The following PIAS1 variants were observed in gnomAD, a reference collection of about 807,000 sequenced individuals.
The protein encoded by PIAS1 is protein inhibitor of activated STAT 1.
A neutral mutation model predicts 71.3 loss-of-function variants in PIAS1; 6 were observed. The ratio of observed to expected loss-of-function variants is 0.08; its 90% CI spans 0.05 to 0.17. PIAS1 has a LOEUF of 0.17. Among genes scored for constraint, PIAS1 ranks in the 10% least tolerant of loss-of-function variants. PIAS1 has a pLI of 1.00. For missense variants in PIAS1, 555 were observed against 793.6 expected, an observed-to-expected ratio of 0.70 and a Z score of 3.61; for synonymous variants, 303 against 292.9, an observed-to-expected ratio of 1.03 and a Z score of -0.35.
At chr15:68,139,884 T>C (rs1297684103) in intron 2 of PIAS1, among the ~76,000 whole-genome samples, 1 of 152,188 alleles carries the variant, frequency 6.6e-6, no homozygotes, top group Non-Finnish European at 1.5e-5. Context: ...CATTTCAGTA[T>C]GAAGATTCTG....
intron 7 of PIAS1, among the ~76,000 whole-genome samples, chr15:68,161,250 A>G (rs987385630): frequency 1.3e-5 from 2 of 152,246 alleles, no homozygotes; most frequent in East Asian, 3.8e-4. Context: ...AACTATGTGC[A>G]AGATTTGTAT....
intron 2 of PIAS1, among the ~76,000 whole-genome samples, chr15:68,115,351 T>C (rs2092556997): frequency 6.6e-6 from 1 of 152,126 alleles, no homozygotes; most frequent in African/African-American, 2.4e-5. Context: ...AATGGTATTT[T>C]TTTTATTTCA....
Position 68,192,252 on chromosome 15 carries a change from C to G in PIAS1, c.*4417C>G, listed in dbSNP as rs1220384755. On this transcript the variant is annotated 3_prime_UTR_variant, in exon 14 of 14. Transcript: ENST00000249636. ...GCTTTGCCTGAAAGTGACAGCAGTT[C>G]TCTCGGCGGGGCCAGCATCTAACCG... 2.6e-5 allele frequency: 4 copies of G among 152,166 alleles called. No individual in the cohort carries two copies. The highest frequency in any genetic ancestry group is 9.7e-5 in the African/African-American group (4 of 41,420). The allele number at this position is 152,166 out of a possible 1,614,324, so 9.4% of individuals were successfully genotyped here.
At chr15:68,168,680 T>A (rs1022875716) in intron 8 of PIAS1, among the ~76,000 whole-genome samples, 20 of 152,268 alleles carry the variant, frequency 1.3e-4, no homozygotes, top group East Asian at 5.8e-4. Flanking sequence ...GTGATTTTTT[T>A]AAAAAAAATC....
Position 68,143,187 on chromosome 15 carries a change from G to A in PIAS1, c.602+850G>A, listed in dbSNP as rs375924530. Reference sequence around the variant, plus strand: ...GGGATGGAAGAGAAAATATAAGACAGTTGTTTTCCTCAGTAAGCTGTTTTC... The same window carrying A: ...GGGATGGAAGAGAAAATATAAGACAATTGTTTTCCTCAGTAAGCTGTTTTC... On this transcript the variant is annotated intron_variant, in intron 4 of 13. Coordinates refer to ENST00000249636, the MANE Select transcript of PIAS1 (RefSeq NM_016166.3). Among the ~76,000 whole-genome samples, 5 of 152,058 alleles carry A rather than the reference G, an allele frequency of 3.3e-5. No homozygotes were observed. In the East Asian group the frequency reaches 5.8e-4, roughly 18 times the overall value.
rs934147692 is a variant in PIAS1 at position 68,189,667 on chromosome 15, CAA to C, written c.*1833_*1834del. 5 of 151,824 alleles carry C rather than the reference CAA, an allele frequency of 3.3e-5. No homozygotes were observed. Among genetic ancestry groups the C allele is most frequent in the African/African-American group, 9.7e-5 (4 of 41,412 alleles). The allele number at this position is 151,824 out of a possible 1,614,324, so 9.4% of individuals were successfully genotyped here. ...GTGTGTGTATATATGTATTTATAAA[CAA>C]GTGTGTTTGAGTAACAAGTGAGTTT... On this transcript the variant is annotated 3_prime_UTR_variant, in exon 14 of 14. Transcript: ENST00000249636.
intron 7 of PIAS1, among the ~76,000 whole-genome samples, chr15:68,157,368 C>T (rs967834234): frequency 6.6e-6 from 1 of 152,154 alleles, no homozygotes; most frequent in African/African-American, 2.4e-5. Context: ...GGAAAACAAG[C>T]TCCTCTATGG....
In PIAS1 at chr15:68,114,029, T is replaced by TACACACAC. The variant is rs58536041; in HGVS notation, c.469+27304_469+27311dup. ...CTAGCAAACGACTGCATATATTTCA[T>TACACACAC]ACACACACACACACACACACACACA... On this transcript the variant is annotated intron_variant, in intron 2 of 13. Transcript: ENST00000249636. Among the ~76,000 whole-genome samples the TACACACAC allele has an allele frequency of 2.6e-3, 328 of 125,310 alleles. 1 individual carries two copies. The highest frequency in any genetic ancestry group is 8.1e-3 in the African/African-American group (293 of 36,284). The allele number at this position is 125,310 out of a possible 152,430, so 82.2% of individuals were successfully genotyped here. A position where few individuals can be genotyped will look rare whatever the true frequency, so the allele number is the denominator to read the frequency against.
rs77767482 is a variant in PIAS1 at position 68,163,405 on chromosome 15, A to T, written c.935-1326A>T. ...ATATATTAAGACTTTGAAAATTTGGAATTTCCAGGCCATGAAATGACTTTT... is the reference window on the plus strand; with the variant it reads ...ATATATTAAGACTTTGAAAATTTGGTATTTCCAGGCCATGAAATGACTTTT... On this transcript the variant is annotated intron_variant, in intron 7 of 13. Transcript: ENST00000249636. Among the ~76,000 whole-genome samples the T allele has an allele frequency of 6.0e-3, 911 of 152,270 alleles. 10 individuals carry two copies. Among genetic ancestry groups the T allele is most frequent in the African/African-American group, 0.021 (866 of 41,536 alleles).
chr15:68,074,304 A>T (rs1326387850), intron 1 of PIAS1, among the ~76,000 whole-genome samples: 1 of 152,108 alleles, frequency 6.6e-6, no homozygotes, highest in Non-Finnish European at 1.5e-5. Flanking sequence ...GTTTATCTCT[A>T]CTTTTTTTTC....
intron 2 of PIAS1, among the ~76,000 whole-genome samples, chr15:68,127,104 T>C (rs991454897): frequency 7.2e-5 from 11 of 151,880 alleles, no homozygotes; most frequent in Admixed American, 7.2e-4. Context: ...TTTTGTATGT[T>C]TAGTAGGGAT....
intron 11 of PIAS1, among the ~76,000 whole-genome samples, chr15:68,177,383 T>C (rs1179937098): frequency 6.6e-6 from 1 of 151,722 alleles, no homozygotes; most frequent in African/African-American, 2.4e-5. Context: ...CAAACTGGAA[T>C]GTATGCTGTA....
chr15:68,067,072 C>T (rs180965203), intron 1 of PIAS1, among the ~76,000 whole-genome samples: 1 of 151,890 alleles, frequency 6.6e-6, no homozygotes, highest in Admixed American at 6.5e-5. Flanking sequence ...TTAATCTCCA[C>T]TTTTAGATTT....
chr15:68,165,410 C>T (rs192836275), intron 8 of PIAS1, among the ~76,000 whole-genome samples: 5 of 152,242 alleles, frequency 3.3e-5, no homozygotes, highest in African/African-American at 4.8e-5. Context: ...TGTGACCCAC[C>T]GCACCTGGCC....
chr15:68,189,129 T>A lies in PIAS1; in HGVS notation c.*1294T>A, dbSNP rs2093106307. 6.6e-6 allele frequency: 1 copy of A among 152,212 alleles called. No individual in the cohort carries two copies. The highest frequency in any genetic ancestry group is 1.5e-5 in the Non-Finnish European group (1 of 68,032). The allele number at this position is 152,212 out of a possible 1,614,324, so 9.4% of individuals were successfully genotyped here. ...ATGACATAGGAAAGTCATTTTTTTTTAGAATTCATGGATCAGTCTGATCTA... is the reference window on the plus strand; with the variant it reads ...ATGACATAGGAAAGTCATTTTTTTTAAGAATTCATGGATCAGTCTGATCTA... On this transcript the variant is annotated 3_prime_UTR_variant, in exon 14 of 14. Transcript: ENST00000249636.
intron 2 of PIAS1, among the ~76,000 whole-genome samples, chr15:68,092,160 A>G (rs1383626721): frequency 1.3e-5 from 2 of 152,128 alleles, no homozygotes; most frequent in Non-Finnish European, 1.5e-5. Flanking sequence ...ATTATTGACT[A>G]TGAGTGTTAC....
In PIAS1 at chr15:68,141,926, A is replaced by G. The variant is rs2092773257; in HGVS notation, c.470-20A>G. 1.3e-6 allele frequency: 2 copies of G among 1,544,444 alleles called. No homozygotes were observed. The highest frequency in any genetic ancestry group is 2.3e-5 in the East Asian group (1 of 43,384). On this transcript the variant is annotated intron_variant, in intron 2 of 13. Coordinates refer to ENST00000249636, the MANE Select transcript of PIAS1 (RefSeq NM_016166.3). ...GGCGAATTTAAAGGTAATTGAAAGT[A>G]TAATTCTTGTCTTCTTTAGCATCAG...
chr15:68,175,311 A>G (rs1226638727), intron 9 of PIAS1, among the ~76,000 whole-genome samples: 2 of 152,360 alleles, frequency 1.3e-5, no homozygotes, highest in East Asian at 3.9e-4. Flanking sequence ...TATGCAAAAA[A>G]GTATAAAGAA....
At position 68,099,218 on chromosome 15, in the gene PIAS1, C is replaced by T. The variant is rs561148503; in HGVS notation, c.469+12468C>T. ...ATTTATTTATGAGCGGAGTTTTACT[C>T]TCGTCACTCAGGCTGGGTGACTATA... On this transcript the variant is annotated intron_variant, in intron 2 of 13. Transcript: ENST00000249636. Among the ~76,000 whole-genome samples the T allele has an allele frequency of 1.6e-3, 240 of 148,302 alleles. 1 individual carries two copies. Among genetic ancestry groups the T allele is most frequent in the African/African-American group, 5.8e-3 (235 of 40,600 alleles).
Sources: gnomAD v4.1 joint callset for allele counts (sites outside exome capture counted in the v4.1 genomes callset) on GRCh38, gnomAD v4.1.1 for gene constraint, MANE v1.5 for transcripts, NCBI Gene and HGNC (gene_info 2026-07-23, HGNC 2026-07-21) for gene names.